TLN2: variants seen among roughly 807,000 people sequenced by gnomAD.
The protein encoded by TLN2 is talin-2.
TLN2 carries 118 observed loss-of-function variants against 294.7 expected under a neutral mutation model. That is an observed-to-expected ratio of 0.40 (90% CI 0.34 to 0.47). The LOEUF (loss-of-function observed/expected upper bound fraction) is 0.47, where lower values mean the gene tolerates loss of function less well. TLN2 is among the 20% of genes least tolerant of loss of function. TLN2 has a pLI of 0.84. For missense variants in TLN2, 3,083 were observed against 3,282.2 expected (o/e 0.94, Z 1.48); for synonymous variants, 1,431 against 1,304.5 (o/e 1.10, Z -2.09).
At chr15:62,747,132 A>G (rs551343579) in intron 32 of TLN2, among the ~76,000 whole-genome samples, 2 of 152,346 alleles carry the variant, frequency 1.3e-5, no homozygotes, top group South Asian at 2.1e-4. Context: ...AAAGTTAACT[A>G]CGAATGGCCA....
At chr15:62,614,538 A>G (rs905958311) in intron 2 of TLN2, among the ~76,000 whole-genome samples, 1 of 152,110 alleles carries the variant, frequency 6.6e-6, no homozygotes, top group Non-Finnish European at 1.5e-5. Context: ...CCTTCTTTCT[A>G]TCCCGCCACC....
intron 1 of TLN2, among the ~76,000 whole-genome samples, chr15:62,522,798 GAGA>G (rs1353289163): frequency 6.6e-6 from 1 of 152,016 alleles, no homozygotes; most frequent in Non-Finnish European, 1.5e-5. Flanking sequence ...TCAAAAACCA[GAGA>G]AGAAAATTGC....
Position 62,774,953 on chromosome 15 carries a change from C to CTTTTT in TLN2, c.5368-1794_5368-1790dup, listed in dbSNP as rs36003657. Among the ~76,000 whole-genome samples, 24 of 101,484 alleles carry CTTTTT rather than the reference C, an allele frequency of 2.4e-4. 2 individuals carry two copies. Among genetic ancestry groups the CTTTTT allele is most frequent in the South Asian group, 7.3e-4 (2 of 2,746 alleles). 66.6% of individuals were successfully genotyped at this position (101,484 alleles called of 152,430 possible). A position where few individuals can be genotyped will look rare whatever the true frequency, so the allele number is the denominator to read the frequency against. ...TCATATGAATGTGTAGAATTGCTGGCTTTTTTTTTTTTTTTTTTTTTGAGA... is the reference window on the plus strand; with the variant it reads ...TCATATGAATGTGTAGAATTGCTGGCTTTTTTTTTTTTTTTTTTTTTTTTTTGAGA... On this transcript the variant is annotated intron_variant, in intron 42 of 58. Coordinates refer to ENST00000636159, the MANE Select transcript of TLN2 (RefSeq NM_015059.3).
chr15:62,667,105 A>AT (rs2054766671), intron 9 of TLN2, among the ~76,000 whole-genome samples: 2 of 152,112 alleles, frequency 1.3e-5, no homozygotes, highest in Non-Finnish European at 2.9e-5. Context: ...AGCTGGGACT[A>AT]CAGGCGCCCA....
chr15:62,448,306 C>T (rs79352764), intron 1 of TLN2, among the ~76,000 whole-genome samples: 10,732 of 152,230 alleles, frequency 0.07, 566 homozygotes, highest in Non-Finnish European at 0.1. Context: ...ACAAGTACAT[C>T]CCAATGCTTT....
At chr15:62,504,870 AGG>A (rs1402192760) in intron 1 of TLN2, among the ~76,000 whole-genome samples, 5 of 150,532 alleles carry the variant, frequency 3.3e-5, no homozygotes, top group African/African-American at 9.8e-5. Context: ...AGAGAGAGAG[AGG>A]GAGACTCTGG....
At chr15:62,713,513 T>C (rs1275914660) in intron 22 of TLN2, among the ~76,000 whole-genome samples, 1 of 151,938 alleles carries the variant, frequency 6.6e-6, no homozygotes, top group Non-Finnish European at 1.5e-5. Context: ...ACCCTGTCTC[T>C]ACTAAAAATA....
chr15:62,735,248 G>A (rs745735678), intron 28 of TLN2, among the ~76,000 whole-genome samples: 13 of 152,204 alleles, frequency 8.5e-5, no homozygotes, highest in Admixed American at 4.6e-4. Context: ...ATTCTCAGGC[G>A]TTATATGTGT....
chr15:62,608,076 A>C (rs1023177788), intron 2 of TLN2, among the ~76,000 whole-genome samples: 5 of 152,208 alleles, frequency 3.3e-5, no homozygotes, highest in African/African-American at 1.2e-4. Flanking sequence ...TGAAATATTA[A>C]GTTGGTCTAC....
At chr15:62,633,998 T>C (rs542423835) in intron 3 of TLN2, among the ~76,000 whole-genome samples, 2 of 152,300 alleles carry the variant, frequency 1.3e-5, no homozygotes, top group East Asian at 1.9e-4. Flanking sequence ...AAATTTCTCC[T>C]TCTTATAAGG....
chr15:62,793,333 A>G (rs958013691), intron 46 of TLN2, among the ~76,000 whole-genome samples: 4 of 152,230 alleles, frequency 2.6e-5, no homozygotes, highest in Non-Finnish European at 5.9e-5. Flanking sequence ...TTCTGATTCT[A>G]AAGACAGTTG....
intron 1 of TLN2, among the ~76,000 whole-genome samples, chr15:62,489,143 A>G (rs2038571414): frequency 6.6e-6 from 1 of 152,224 alleles, no homozygotes; most frequent in Admixed American, 6.5e-5. Flanking sequence ...CCTGGGTGAC[A>G]GAGCAAGACT....
chr15:62,655,276 C>T (rs1368333114), intron 7 of TLN2, among the ~76,000 whole-genome samples: 1 of 151,920 alleles, frequency 6.6e-6, no homozygotes, highest in African/African-American at 2.4e-5. Flanking sequence ...TGTTTGAAGC[C>T]CAGAGAGGAG....
intron 1 of TLN2, among the ~76,000 whole-genome samples, chr15:62,432,216 A>G (rs949893103): frequency 6.6e-6 from 1 of 152,212 alleles, no homozygotes; most frequent in Admixed American, 6.5e-5. Flanking sequence ...ACTCTGGGAA[A>G]GTAATCCTCT....
At chr15:62,635,451 G>C (rs953969101) in intron 3 of TLN2, among the ~76,000 whole-genome samples, 2 of 152,102 alleles carry the variant, frequency 1.3e-5, no homozygotes, top group African/African-American at 4.8e-5. Context: ...ACAATACTGT[G>C]GGGGAATATT....
At chr15:62,617,633 C>G (rs997678760) in intron 2 of TLN2, among the ~76,000 whole-genome samples, 1 of 152,222 alleles carries the variant, frequency 6.6e-6, no homozygotes, top group Non-Finnish European at 1.5e-5. Context: ...CGCTTTCACC[C>G]TGCACCTCTG....
rs770937498 is a variant in TLN2 at position 62,761,758 on chromosome 15, G to A, written c.4716G>A (p.Glu1572=). The change falls in exon 38 of 59, where the codon GAG becomes GAA. Residue 1572 remains glutamate, a synonymous_variant. Transcript: ENST00000636159. ...IATAPLIEAV[E]NLTAFASNPE... ...CCGCACCCTTGATTGAAGCTGTGGA[G>A]AACCTGACAGCGTTCGCCTCAAACC... The A allele has an allele frequency of 1.2e-6, 2 of 1,614,166 alleles. No individual in the cohort carries two copies. Among genetic ancestry groups the A allele is most frequent in the East Asian group, 2.2e-5 (1 of 44,876 alleles).
At chr15:62,524,277 A>G (rs1319327947) in intron 1 of TLN2, among the ~76,000 whole-genome samples, 1 of 152,204 alleles carries the variant, frequency 6.6e-6, no homozygotes, top group African/African-American at 2.4e-5. Context: ...TAAAATCATC[A>G]GCTTTCACAA....
intron 1 of TLN2, among the ~76,000 whole-genome samples, chr15:62,576,059 T>A (rs1358218556): frequency 6.6e-6 from 1 of 152,166 alleles, no homozygotes; most frequent in Non-Finnish European, 1.5e-5. Flanking sequence ...TGTGGGGTGA[T>A]TATGTGATAT....
Sources: gnomAD v4.1 joint callset for allele counts (sites outside exome capture counted in the v4.1 genomes callset) on GRCh38, gnomAD v4.1.1 for gene constraint, MANE v1.5 for transcripts, NCBI Gene and HGNC (gene_info 2026-07-23, HGNC 2026-07-21) for gene names.